The following SCNN1B variants were observed in gnomAD, a reference collection of about 807,000 sequenced individuals.
SCNN1B encodes epithelial sodium channel subunit beta.
SCNN1B carries 46 observed loss-of-function variants against 65.3 expected under a neutral mutation model. The observed-to-expected ratio is 0.70, with a 90% CI of 0.56 to 0.90. SCNN1B has a LOEUF of 0.90. Ranked by LOEUF, SCNN1B falls within the 40% of genes least tolerant of loss-of-function variation. SCNN1B has a pLI of 0.00. For missense variants in SCNN1B, 751 were observed against 830.5 expected, an observed-to-expected ratio of 0.90 and a Z score of 1.18; for synonymous variants, 349 against 330.6, an observed-to-expected ratio of 1.06 and a Z score of -0.60.
intron 1 of SCNN1B, among the ~76,000 whole-genome samples, chr16:23,329,901 C>G (rs757133654): frequency 5.3e-5 from 8 of 151,932 alleles, no homozygotes; most frequent in Non-Finnish European, 1.2e-4. Context: ...TGGCATGTGC[C>G]TGTGGTCTCA....
At chr16:23,344,726 G>T (rs1430719522) in intron 1 of SCNN1B, among the ~76,000 whole-genome samples, 1 of 152,146 alleles carries the variant, frequency 6.6e-6, no homozygotes, top group Non-Finnish European at 1.5e-5. Context: ...GGGTGCAGTG[G>T]CTCACACCTG....
chr16:23,379,388 C>G (rs1567320801), intron 11 of SCNN1B, among the ~76,000 whole-genome samples: 1 of 152,096 alleles, frequency 6.6e-6, no homozygotes, highest in East Asian at 1.9e-4. Flanking sequence ...GCCCCCTACT[C>G]TAGGAGTACA....
At chr16:23,354,282 C>T (rs772487717) in intron 3 of SCNN1B, among the ~76,000 whole-genome samples, 17 of 152,326 alleles carry the variant, frequency 1.1e-4, no homozygotes, top group South Asian at 4.1e-4. Flanking sequence ...GAACAAAGCC[C>T]GGAACAGGGT....
chr16:23,308,239 C>T (rs1290464215), intron 1 of SCNN1B, among the ~76,000 whole-genome samples: 1 of 151,754 alleles, frequency 6.6e-6, no homozygotes, highest in African/African-American at 2.4e-5. Context: ...ATGCAGAGTA[C>T]AAGCCGGGTG....
At position 23,327,494 on chromosome 16, in the gene SCNN1B, A is replaced by G. The variant is rs547758355; in HGVS notation, c.-8-21098A>G. On this transcript the variant is annotated intron_variant, in intron 1 of 12. Coordinates refer to ENST00000343070, the MANE Select transcript of SCNN1B (RefSeq NM_000336.3). ...GGTTGCAGTGAGCCAAGATTGCGCCATTGCACTCCAGCCTGGGAGGCAGAG... is the reference window on the plus strand; with the variant it reads ...GGTTGCAGTGAGCCAAGATTGCGCCGTTGCACTCCAGCCTGGGAGGCAGAG... 1.4e-4 allele frequency among the ~76,000 whole-genome samples: 21 copies of G among 152,292 alleles called. 1 individual carries two copies. The South Asian group carries it at 4.4e-3, about 32-fold the overall frequency.
At chr16:23,301,535 C>T (rs1439528516), upstream of SCNN1B, among the ~76,000 whole-genome samples, 1 of 151,984 alleles carries the variant, frequency 6.6e-6, no homozygotes, top group Non-Finnish European at 1.5e-5. Context: ...GAGAAATATA[C>T]AGGAAACTAA....
intron 2 of SCNN1B, among the ~76,000 whole-genome samples, chr16:23,351,536 G>A (rs944135032): frequency 9.2e-5 from 14 of 152,146 alleles, no homozygotes; most frequent in Non-Finnish European, 1.8e-4. Context: ...AACTGGCATC[G>A]AAGGCCAACG....
intron 2 of SCNN1B, among the ~76,000 whole-genome samples, chr16:23,296,177 T>G (rs546652920): frequency 6.6e-6 from 1 of 152,032 alleles, no homozygotes; most frequent in Non-Finnish European, 1.5e-5. Context: ...CCACACTCAG[T>G]TCCCCTTGGG....
intron 1 of SCNN1B, among the ~76,000 whole-genome samples, chr16:23,325,379 G>C (rs1467284714): frequency 6.6e-6 from 1 of 151,898 alleles, no homozygotes; most frequent in Non-Finnish European, 1.5e-5. Context: ...TGACTCTCCT[G>C]CCTCAGCCTC....
At chr16:23,301,635 C>T (rs985249533), upstream of SCNN1B, among the ~76,000 whole-genome samples, 2 of 152,120 alleles carry the variant, frequency 1.3e-5, no homozygotes, top group East Asian at 1.9e-4. Context: ...AGGGAAGATT[C>T]GAGGAAATGC....
chr16:23,381,131 TC>T lies in SCNN1B; in HGVS notation c.*332del, dbSNP rs1241183977. On this transcript the variant is annotated 3_prime_UTR_variant, in exon 13 of 13. Coordinates refer to ENST00000343070, the MANE Select transcript of SCNN1B (RefSeq NM_000336.3). ...ACTTCCCTCCCAGTGCCAGTCTCCA[TC>T]CACCCCAGAGAGGAACAGGCGGGTG... 1 of 410,062 alleles carries T rather than the reference TC, an allele frequency of 2.4e-6. No homozygotes were observed. The highest frequency in any genetic ancestry group is 2.0e-5 in the African/African-American group (1 of 49,402). 25.4% of individuals were successfully genotyped at this position (410,062 alleles called of 1,614,324 possible).
intron 1 of SCNN1B, among the ~76,000 whole-genome samples, chr16:23,319,444 C>T (rs1336043192): frequency 6.6e-6 from 1 of 151,948 alleles, no homozygotes; most frequent in African/African-American, 2.4e-5. Context: ...GTTTTTTGTG[C>T]AGCTTGTGAG....
chr16:23,371,917 C>T lies in SCNN1B; in HGVS notation c.1152+34C>T, dbSNP rs1424289903. On this transcript the variant is annotated intron_variant, in intron 7 of 12. Transcript: ENST00000343070. ...GTGGTGCACGCCTCATGCCCCGGGG[C>T]CCCTGTCCGGGTTTATGGGGCCAAG... 12 of 1,516,500 alleles carry T rather than the reference C, an allele frequency of 7.9e-6. No homozygotes were observed. The East Asian group carries it at 2.3e-4, about 28-fold the overall frequency. The allele number at this position is 1,516,500 out of a possible 1,614,324, so 93.9% of individuals were successfully genotyped here.
intron 3 of SCNN1B, among the ~76,000 whole-genome samples, chr16:23,354,450 T>A (rs1032172959): frequency 1.3e-5 from 2 of 152,240 alleles, no homozygotes; most frequent in African/African-American, 4.8e-5. Flanking sequence ...AGCAGCCTCG[T>A]GGCCAAGGCC....
intron 1 of SCNN1B, among the ~76,000 whole-genome samples, chr16:23,323,368 G>A (rs950513531): frequency 6.6e-6 from 1 of 152,152 alleles, no homozygotes; most frequent in Non-Finnish European, 1.5e-5. Context: ...GTGAAAGTGT[G>A]GTGGTGGGAA....
intron 1 of SCNN1B, among the ~76,000 whole-genome samples, chr16:23,339,473 C>T (rs1424099141): frequency 6.6e-6 from 1 of 151,976 alleles, no homozygotes. Flanking sequence ...GCCTCAAACT[C>T]CTGGGCTCAA....
chr16:23,367,799 C>A (rs1164507188), intron 4 of SCNN1B, 57 bp from the exon 5 acceptor site: 7 of 1,317,854 alleles, frequency 5.3e-6, no homozygotes, highest in Non-Finnish European at 6.6e-6. Context: ...GGCAGACAGT[C>A]GGGGGAGGCA....
Position 23,359,711 on chromosome 16 carries a change from C to T in SCNN1B, c.776+4222C>T, listed in dbSNP as rs372555558. 1.3e-4 allele frequency among the ~76,000 whole-genome samples: 19 copies of T among 144,790 alleles called. No individual in the cohort carries two copies. In the East Asian group the frequency reaches 2.9e-3, roughly 22 times the overall value. 95.0% of individuals were successfully genotyped at this position (144,790 alleles called of 152,430 possible). ...GTGAGCCGCATGTGGACCCCAACAC[C>T]AAACTGCCTGGACTTGAATGTCAGC... is the stretch of plus-strand genomic sequence containing the variant. On this transcript the variant is annotated intron_variant, in intron 4 of 12. Transcript: ENST00000343070.
chr16:23,343,520 GGA>G, intron 1 of SCNN1B, among the ~76,000 whole-genome samples: 1 of 129,484 alleles, frequency 7.7e-6, no homozygotes, highest in African/African-American at 3.2e-5. Context: ...AAGGAAGGAA[GGA>G]AGGAAGAAAG....
Sources: allele counts gnomAD v4.1 joint callset (sites outside exome capture counted in the v4.1 genomes callset), GRCh38; gene constraint gnomAD v4.1.1; transcripts MANE v1.5; gene names NCBI Gene and HGNC (gene_info 2026-07-23, HGNC 2026-07-21).